Variants in GPHN observed in about 807,000 individuals in gnomAD.
GPHN encodes gephyrin.
GPHN carries 17 observed loss-of-function variants against 95.5 expected under a neutral mutation model. That is an observed-to-expected ratio of 0.18 (90% CI 0.12 to 0.27). The LOEUF (loss-of-function observed/expected upper bound fraction) is 0.27. Among genes scored for constraint, GPHN ranks in the 10% least tolerant of loss-of-function variants. The pLI, the probability that GPHN is intolerant of heterozygous loss-of-function variation, is 1.00. For missense variants in GPHN, 660 were observed against 978.1 expected (o/e 0.67, Z 4.34); for synonymous variants, 320 against 322.5 (o/e 0.99, Z 0.08).
intron 1 of GPHN, among the ~76,000 whole-genome samples, chr14:66,649,006 A>G (rs534379979): frequency 1.3e-5 from 2 of 152,254 alleles, no homozygotes; most frequent in African/African-American, 2.4e-5. Flanking sequence ...AAACTTTACA[A>G]TGAAAGTATG....
At chr14:67,734,078 A>G in the GPHN span, 1 of 405,086 alleles carries the variant, frequency 2.5e-6, no homozygotes, top group African/African-American at 2.1e-5. Context: ...TAAGACCTGG[A>G]AAGTCAGCAA....
the GPHN span, among the ~76,000 whole-genome samples, chr14:67,608,765 CA>C: frequency 1.3e-5 from 2 of 152,234 alleles, no homozygotes; most frequent in African/African-American, 4.8e-5. Flanking sequence ...GCCTGTTTCA[CA>C]GATGACATAT....
chr14:66,516,380 A>G (rs927099980), intron 1 of GPHN, among the ~76,000 whole-genome samples: 1 of 152,124 alleles, frequency 6.6e-6, no homozygotes, highest in African/African-American at 2.4e-5. Context: ...GTATGTTTCC[A>G]TAACGTATAT....
chr14:67,187,580 ACT>A, the GPHN span, among the ~76,000 whole-genome samples: 1 of 151,720 alleles, frequency 6.6e-6, no homozygotes, highest in Non-Finnish European at 1.5e-5. Flanking sequence ...TCCATGTAAC[ACT>A]CTTTATTAGA....
chr14:66,594,244 G>A (rs2061877576), intron 1 of GPHN, among the ~76,000 whole-genome samples: 1 of 151,966 alleles, frequency 6.6e-6, no homozygotes, highest in South Asian at 2.1e-4. Flanking sequence ...ACTTCCCAAA[G>A]TTATCTACAG....
chr14:67,548,919 A>G, the GPHN span, among the ~76,000 whole-genome samples: 16 of 152,324 alleles, frequency 1.1e-4, 1 homozygote, highest in Admixed American at 5.2e-4. Context: ...TTCTGAGTGG[A>G]TAAATGGTTC....
rs147738851 is a variant in GPHN, at chr14:66,771,056, A to G, written c.144-5408A>G. ...CAGTTCTTTCACCATCTTTCACCCAATGATGTCCTTCATCCTTCCTAAGCC... is the reference window on the plus strand; with the variant it reads ...CAGTTCTTTCACCATCTTTCACCCAGTGATGTCCTTCATCCTTCCTAAGCC... On this transcript the variant is annotated intron_variant, in intron 2 of 22. Coordinates refer to ENST00000478722, the MANE Select transcript of GPHN (RefSeq NM_020806.5). Among the ~76,000 whole-genome samples the G allele has an allele frequency of 3.7e-4, 56 of 152,270 alleles. 1 individual carries two copies. Among genetic ancestry groups the G allele is most frequent in the African/African-American group, 1.3e-3 (55 of 41,560 alleles).
the GPHN span, chr14:67,645,793 A>G: frequency 6.2e-7 from 1 of 1,613,952 alleles, no homozygotes; most frequent in Non-Finnish European, 8.5e-7. Context: ...TCAGAGAACT[A>G]CAGGATAAGG....
the GPHN span, among the ~76,000 whole-genome samples, chr14:67,192,952 A>G: frequency 6.8e-6 from 1 of 146,690 alleles, no homozygotes; most frequent in Non-Finnish European, 1.5e-5. Flanking sequence ...AAATATCTCT[A>G]TATATCTATA....
At chr14:67,198,081 T>G in the GPHN span, 5 of 1,519,274 alleles carry the variant, frequency 3.3e-6, no homozygotes, top group African/African-American at 7.0e-5. Flanking sequence ...TGAAGCAACT[T>G]AATTATGATA....
chr14:67,118,566 A>C (rs1299973375), intron 16 of GPHN, among the ~76,000 whole-genome samples: 1 of 151,932 alleles, frequency 6.6e-6, no homozygotes, highest in Admixed American at 6.6e-5. Flanking sequence ...ACTCTACTAA[A>C]AATACAAAAA....
the GPHN span, among the ~76,000 whole-genome samples, chr14:67,268,024 C>T: frequency 6.6e-6 from 1 of 152,052 alleles, no homozygotes; most frequent in African/African-American, 2.4e-5. Flanking sequence ...TAATATTGCT[C>T]CTATGCATAC....
At chr14:67,301,327 A>G in the GPHN span, 6 of 1,001,016 alleles carry the variant, frequency 6.0e-6, no homozygotes, top group African/African-American at 9.6e-5. Flanking sequence ...ATGACCCTGC[A>G]TACAGGTGCT....
At chr14:66,665,874 G>A (rs1316506991) in intron 1 of GPHN, among the ~76,000 whole-genome samples, 2 of 152,150 alleles carry the variant, frequency 1.3e-5, no homozygotes, top group African/African-American at 2.4e-5. Context: ...GTGATAGACT[G>A]GATTGAGAAA....
intron 8 of GPHN, among the ~76,000 whole-genome samples, chr14:66,935,896 G>T (rs1314445604): frequency 6.6e-6 from 1 of 152,006 alleles, no homozygotes; most frequent in Non-Finnish European, 1.5e-5. Context: ...CATTTTGCTT[G>T]TAAGAAATCT....
the GPHN span, chr14:67,621,035 C>A: frequency 1.4e-6 from 2 of 1,396,008 alleles, no homozygotes; most frequent in Non-Finnish European, 2.0e-6. Flanking sequence ...TTTTCTCTGA[C>A]ATCCAGGGAC....
intron 4 of GPHN, among the ~76,000 whole-genome samples, chr14:66,864,927 A>G (rs1185548137): frequency 1.3e-5 from 2 of 152,196 alleles, no homozygotes; most frequent in Non-Finnish European, 2.9e-5. Context: ...ATGGAATTCT[A>G]TTTGGCCATA....
chr14:67,192,231 A>G, the GPHN span, among the ~76,000 whole-genome samples: 1 of 152,234 alleles, frequency 6.6e-6, no homozygotes, highest in Non-Finnish European at 1.5e-5. Context: ...GATTGTGAAG[A>G]TTAATACACA....
the GPHN span, among the ~76,000 whole-genome samples, chr14:67,286,194 C>T: frequency 2.0e-5 from 3 of 152,284 alleles, no homozygotes; most frequent in East Asian, 3.9e-4. Flanking sequence ...GCCTCCATCC[C>T]GCCTTAGTAC....
Sources: gnomAD v4.1 joint callset for allele counts (sites outside exome capture counted in the v4.1 genomes callset) on GRCh38, gnomAD v4.1.1 for gene constraint, MANE v1.5 for transcripts, NCBI Gene and HGNC (gene_info 2026-07-23, HGNC 2026-07-21) for gene names.